PCDHA8: variants seen among roughly 807,000 people sequenced by gnomAD.
The protein encoded by PCDHA8 is protocadherin alpha-8.
In PCDHA8, 53 loss-of-function variants were observed where a neutral mutation model predicts 61.8. The ratio of observed to expected loss-of-function variants is 0.86; its 90% CI spans 0.69 to 1.08. PCDHA8 has a LOEUF of 1.08. PCDHA8 is among the 50% of genes least tolerant of loss of function. The probability of loss-of-function intolerance (pLI) is 0.00; values close to 1 mark genes in which losing one functional copy is unlikely to be tolerated. For synonymous variants in PCDHA8, 618 were observed against 556.6 expected (o/e 1.11, Z -1.55); for missense variants, 1,293 against 1,245.0 (o/e 1.04, Z -0.58).
chr5:140,847,761 T>G (rs1279113142), intron 1 of PCDHA8: 1 of 149,846 alleles, frequency 6.7e-6, no homozygotes, highest in Non-Finnish European at 1.5e-5. Context: ...CACAAGACCT[T>G]AAAGTCAATT....
intron 1 of PCDHA8, among the ~76,000 whole-genome samples, chr5:140,890,263 A>G (rs1357896634): frequency 6.6e-6 from 1 of 152,194 alleles, no homozygotes; most frequent in Admixed American, 6.5e-5. Flanking sequence ...ACCTGATTGC[A>G]AGCAAGAACC....
chr5:140,961,672 A>T (rs1463428757), intron 1 of PCDHA8, among the ~76,000 whole-genome samples: 2 of 152,182 alleles, frequency 1.3e-5, no homozygotes, highest in East Asian at 3.8e-4. Flanking sequence ...ACCAGTTTTT[A>T]ATTAAGCCGG....
chr5:140,926,705 G>A (rs1269250825), intron 1 of PCDHA8: 2 of 849,690 alleles, frequency 2.4e-6, no homozygotes, highest in Non-Finnish European at 3.3e-6. Context: ...GCTCCCAGCT[G>A]GCCAGCCCCG....
In PCDHA8 at chr5:140,869,551, T is replaced by A. The variant is rs570153514; in HGVS notation, c.2394+25836T>A. On this transcript the variant is annotated intron_variant, in intron 1 of 3. Coordinates refer to ENST00000531613, the MANE Select transcript of PCDHA8 (RefSeq NM_018911.3). ...GATTGCGGAATCTAAGCAATCGGAC[T>A]CGCGTTTTCCACTAGAGGGAGCTTC... 3.1e-6 allele frequency: 5 copies of A among 1,614,218 alleles called. No individual in the cohort carries two copies. The East Asian group carries it at 6.7e-5, about 22-fold the overall frequency.
chr5:141,009,571 T>C, intron 3 of PCDHA8, 56 bp from the exon 4 acceptor site: 10 of 1,578,600 alleles, frequency 6.3e-6, no homozygotes, highest in Non-Finnish European at 7.7e-6. Context: ...ACCAGCAGTG[T>C]GGCATCAAGA....
In PCDHA8 at chr5:140,841,944, A is replaced by G. The variant is rs1554138658; in HGVS notation, c.623A>G (p.His208Arg). 1 of 1,613,794 alleles carries G rather than the reference A, an allele frequency of 6.2e-7. No individual in the cohort carries two copies. Among genetic ancestry groups the G allele is most frequent in the African/African-American group, 1.3e-5 (1 of 74,868 alleles). Residue 208 changes from histidine (H) to arginine (R), a missense_variant, in exon 1 of 4, where the codon CAC (histidine) becomes CGC (arginine). His to Arg is a conservative substitution (Grantham distance 29). Transcript: ENST00000531613. ...KSLDREDAPA[H>R]HLFLTATDGG... is the part of the protein sequence containing the mutation. ...TTGGACAGAGAGGACGCTCCTGCGC[A>G]CCACTTATTCCTGACAGCCACAGAT...
At chr5:140,901,713 A>G (rs1463520839) in intron 1 of PCDHA8, among the ~76,000 whole-genome samples, 1 of 151,994 alleles carries the variant, frequency 6.6e-6, no homozygotes, top group Non-Finnish European at 1.5e-5. Context: ...ACATTTTCAG[A>G]TTGTCTTTTC....
chr5:141,007,277 C>T (rs2098312243), intron 3 of PCDHA8, among the ~76,000 whole-genome samples: 1 of 151,304 alleles, frequency 6.6e-6, no homozygotes, highest in Non-Finnish European at 1.5e-5. Context: ...AGGCTGGGTG[C>T]AGTGGGCTCA....
At chr5:140,883,927 G>A (rs781895204) in intron 1 of PCDHA8, 2 of 1,613,456 alleles carry the variant, frequency 1.2e-6, no homozygotes, top group South Asian at 1.1e-5. Flanking sequence ...CGCTGCAGGT[G>A]TTCGTGCTGG....
At chr5:140,854,950 C>A (rs1427267019) in intron 1 of PCDHA8, among the ~76,000 whole-genome samples, 1 of 149,714 alleles carries the variant, frequency 6.7e-6, no homozygotes, top group African/African-American at 2.4e-5. Context: ...TAATAAATTT[C>A]TTAATTACTT....
chr5:140,961,234 G>A (rs2095598781), intron 1 of PCDHA8, among the ~76,000 whole-genome samples: 1 of 152,180 alleles, frequency 6.6e-6, no homozygotes, highest in South Asian at 2.1e-4. Context: ...CCAAAAAGGT[G>A]ATGGAATTTA....
At chr5:140,850,708 C>T (rs1554144815) in intron 1 of PCDHA8, 8 of 1,597,900 alleles carry the variant, frequency 5.0e-6, no homozygotes, top group Admixed American at 3.4e-5. Flanking sequence ...GGCAAGCCGA[C>T]GCTGGTGTGT....
At chr5:140,912,679 T>C (rs367681467) in intron 1 of PCDHA8, among the ~76,000 whole-genome samples, 6 of 152,216 alleles carry the variant, frequency 3.9e-5, no homozygotes, top group African/African-American at 1.4e-4. Context: ...CCTTGACTTA[T>C]TCCAGGTCTC....
At chr5:140,979,486 C>T (rs1222755275) in intron 2 of PCDHA8, among the ~76,000 whole-genome samples, 1 of 152,032 alleles carries the variant, frequency 6.6e-6, no homozygotes, top group African/African-American at 2.4e-5. Flanking sequence ...TGTGTTCACA[C>T]CTATTAGAGC....
At chr5:140,968,050 C>T (rs782392575) in intron 1 of PCDHA8, 12 of 1,614,178 alleles carry the variant, frequency 7.4e-6, no homozygotes, top group Admixed American at 1.7e-5. Flanking sequence ...GCCCACTGGA[C>T]CGAGAGCGGG....
intron 1 of PCDHA8, among the ~76,000 whole-genome samples, chr5:140,903,212 A>C (rs1387552422): frequency 6.6e-6 from 1 of 152,192 alleles, no homozygotes; most frequent in African/African-American, 2.4e-5. Flanking sequence ...CACCACATTC[A>C]TGCCAACATC....
intron 1 of PCDHA8, among the ~76,000 whole-genome samples, chr5:140,887,915 C>T (rs566586212): frequency 6.6e-6 from 1 of 152,290 alleles, no homozygotes; most frequent in Non-Finnish European, 1.5e-5. Flanking sequence ...GTGTATTCTT[C>T]ATTTCAGAGA....
At chr5:140,858,485 T>G (rs2045446148) in intron 1 of PCDHA8, 1 of 1,503,010 alleles carries the variant, frequency 6.7e-7, no homozygotes, top group Non-Finnish European at 9.1e-7. Flanking sequence ...GAATAATATT[T>G]TCTCTTACCG....
chr5:140,868,603 T>C (rs1554162122), intron 1 of PCDHA8: 2 of 153,246 alleles, frequency 1.3e-5, no homozygotes, highest in Non-Finnish European at 2.9e-5. Flanking sequence ...TAGTTTTTCA[T>C]GAGGCCACCT....
Sources: gnomAD v4.1 joint callset for allele counts (sites outside exome capture counted in the v4.1 genomes callset) on GRCh38, gnomAD v4.1.1 for gene constraint, MANE v1.5 for transcripts, NCBI Gene and HGNC (gene_info 2026-07-23, HGNC 2026-07-21) for gene names.